The following ABCC3 variants were observed in gnomAD, a reference collection of about 807,000 sequenced individuals.
ABCC3 encodes the protein ATP-binding cassette sub-family C member 3.
A neutral mutation model predicts 165.3 loss-of-function variants in ABCC3; 121 were observed. The ratio of observed to expected loss-of-function variants is 0.73; its 90% CI spans 0.63 to 0.85. ABCC3 has a LOEUF of 0.85. Ranked by LOEUF, ABCC3 falls within the 40% of genes least tolerant of loss-of-function variation. The probability of loss-of-function intolerance (pLI) is 0.00; values close to 1 mark genes in which losing one functional copy is unlikely to be tolerated. For synonymous variants in ABCC3, 733 were observed against 810.1 expected (o/e 0.90, Z 1.62); for missense variants, 1,869 against 1,964.1 (o/e 0.95, Z 0.92).
intron 30 of ABCC3, chr17:50,688,556 C>T (rs1039608277): frequency 2.6e-5 from 4 of 152,216 alleles, no homozygotes; most frequent in African/African-American, 9.7e-5. Context: ...CCTTTCTGAG[C>T]CTGTTTCAAA....
chr17:50,637,476 C>G (rs1037356112), intron 1 of ABCC3, among the ~76,000 whole-genome samples: 1 of 152,310 alleles, frequency 6.6e-6, no homozygotes, highest in South Asian at 2.1e-4. Context: ...CCCCCTGAAC[C>G]TTTACCTTAG....
Position 50,675,407 on chromosome 17 carries a change from C to T in ABCC3, c.2645C>T (p.Thr882Ile). The change falls in exon 20 of 31, where the codon ACA (threonine) becomes ATA (isoleucine). Residue 882 changes from threonine (T) to isoleucine (I), a missense_variant. Coordinates refer to ENST00000285238, the MANE Select transcript of ABCC3 (RefSeq NM_003786.4). ...AAGGAGGCACTGCTGATTGAAGACACACTCAGCAACCACACGGATCTGACA... is the reference window on the plus strand; with the variant it reads ...AAGGAGGCACTGCTGATTGAAGACATACTCAGCAACCACACGGATCTGACA... ...EDKEALLIED[T>I]LSNHTDLTDN... 1.9e-6 allele frequency: 3 copies of T among 1,614,086 alleles called. No individual in the cohort carries two copies. Among genetic ancestry groups the T allele is most frequent in the Non-Finnish European group, 2.5e-6 (3 of 1,179,988 alleles).
chr17:50,642,793 C>A (rs564544175), intron 1 of ABCC3, among the ~76,000 whole-genome samples: 41 of 152,330 alleles, frequency 2.7e-4, no homozygotes, highest in Non-Finnish European at 4.7e-4. Flanking sequence ...GTGCACACAG[C>A]GATTCCCACC....
intron 7 of ABCC3, among the ~76,000 whole-genome samples, chr17:50,659,849 G>T (rs1156970272): frequency 6.6e-6 from 1 of 152,160 alleles, no homozygotes; most frequent in Non-Finnish European, 1.5e-5. Flanking sequence ...AGCCGGGCAT[G>T]GTGGTGTGCA....
chr17:50,670,319 G>C (rs1967621295), intron 17 of ABCC3, among the ~76,000 whole-genome samples: 1 of 152,156 alleles, frequency 6.6e-6, no homozygotes, highest in African/African-American at 2.4e-5. Flanking sequence ...CTGGCTTCAA[G>C]TGATCCCCCC....
intron 21 of ABCC3, 51 bp downstream of exon 21, chr17:50,675,826 G>A: frequency 1.9e-6 from 3 of 1,599,974 alleles, no homozygotes; most frequent in South Asian, 1.1e-5. Context: ...GCAGGCCCCA[G>A]CAGCCCCAGG....
intron 30 of ABCC3, 110 bp downstream of exon 30, chr17:50,687,840 C>A: frequency 8.5e-7 from 1 of 1,181,272 alleles, no homozygotes; most frequent in South Asian, 1.4e-5. Flanking sequence ...CCTGGGATTG[C>A]TAGGGCATGG....
At chr17:50,659,048 C>A in intron 6 of ABCC3, 189 bp from the exon 7 acceptor site, 1 of 585,416 alleles carries the variant, frequency 1.7e-6, no homozygotes, top group Non-Finnish European at 2.9e-6. Flanking sequence ...GTAGGAACTT[C>A]GGAGGGAGAG....
chr17:50,669,309 C>T, intron 16 of ABCC3, 43 bp downstream of exon 16: 2 of 1,614,146 alleles, frequency 1.2e-6, no homozygotes, highest in South Asian at 2.2e-5. Flanking sequence ...GGGGCTCAGC[C>T]AGGCCTTGGG....
chr17:50,663,370 T>C (rs566980217), intron 8 of ABCC3: 40 of 380,866 alleles, frequency 1.1e-4, no homozygotes, highest in African/African-American at 7.3e-4. Context: ...AATGGAAACG[T>C]GGCATTTCTT....
At chr17:50,691,069 C>T in intron 30 of ABCC3, 23 bp from the exon 31 acceptor site, 2 of 1,589,284 alleles carry the variant, frequency 1.3e-6, no homozygotes, top group Non-Finnish European at 8.6e-7. Flanking sequence ...GGAAACCTGA[C>T]CACTTCTCTC....
chr17:50,669,156 C>G lies in ABCC3; in HGVS notation c.1954C>G (p.Pro652Ala). The G allele has an allele frequency of 6.9e-6, 11 of 1,599,750 alleles. No individual in the cohort carries two copies. Among genetic ancestry groups the G allele is most frequent in the Non-Finnish European group, 9.4e-6 (11 of 1,175,618 alleles). The stretch of plus-strand genomic sequence containing the variant: ...TGCCCCCAGCCTAGACATCCAGGTC[C>G]CGAAAGGGGCACTGGTGGCCGTGGT... ...PTLHSLDIQV[P>A]KGALVAVVGP... is the part of the protein sequence containing the mutation. The change falls in exon 16 of 31, where the codon CCG becomes GCG. Residue 652 changes from proline to alanine, a missense_variant. Pro to Ala is a conservative substitution (Grantham distance 27). Coordinates refer to ENST00000285238, the MANE Select transcript of ABCC3 (RefSeq NM_003786.4).
chr17:50,668,401 C>G (rs371882098), intron 13 of ABCC3, 29 bp from the exon 14 acceptor site: 13 of 1,600,534 alleles, frequency 8.1e-6, no homozygotes, highest in Non-Finnish European at 1.1e-5. Context: ...AAAGTACAGT[C>G]TCTAGGGCTG....
At chr17:50,671,800 C>A (rs1194940983) in intron 17 of ABCC3, among the ~76,000 whole-genome samples, 4 of 142,542 alleles carry the variant, frequency 2.8e-5, no homozygotes, top group African/African-American at 1.0e-4. Flanking sequence ...TGGCTCACTG[C>A]AACCTCCGCC....
At chr17:50,673,219 G>A in intron 18 of ABCC3, 81 bp downstream of exon 18, 1 of 1,558,000 alleles carries the variant, frequency 6.4e-7, no homozygotes, top group Admixed American at 1.8e-5. Flanking sequence ...GAGGGGTTTG[G>A]ATGAGACTTG....
At chr17:50,672,896 C>A in intron 17 of ABCC3, 75 bp from the exon 18 acceptor site, 2 of 1,413,082 alleles carry the variant, frequency 1.4e-6, no homozygotes, top group Non-Finnish European at 9.6e-7. Context: ...TCTGCCATCC[C>A]AAATAACAGT....
chr17:50,637,977 C>T lies in ABCC3; in HGVS notation c.45+2996C>T, dbSNP rs1476023989. ...CCATGCCCCTTGGGACATGTGTACA[C>T]ACATCTGTGTACTCACACACCACCT... On this transcript the variant is annotated intron_variant, in intron 1 of 30. Coordinates refer to ENST00000285238, the MANE Select transcript of ABCC3 (RefSeq NM_003786.4). Among the ~76,000 whole-genome samples the T allele has an allele frequency of 2.0e-5, 3 of 152,322 alleles. No individual in the cohort carries two copies. The South Asian group carries it at 6.2e-4, about 32-fold the overall frequency.
chr17:50,673,111 C>T lies in ABCC3; in HGVS notation c.2382C>T (p.Ile794=), dbSNP rs149910028. The change falls in exon 18 of 31, where the codon ATC becomes ATT. Residue 794 remains isoleucine, a synonymous_variant. Transcript: ENST00000285238. The part of the protein sequence containing the change: ...HVAKHIFDHV[I]GPEGVLAGKT... ...CCAAGCACATCTTTGACCACGTCAT[C>T]GGGCCAGAAGGCGTGCTGGCAGGCA... is the stretch of plus-strand genomic sequence containing the variant. The T allele has an allele frequency of 6.8e-5, 109 of 1,613,912 alleles. 1 individual carries two copies. Among genetic ancestry groups the T allele is most frequent in the Middle Eastern group, 1.6e-4 (1 of 6,078 alleles).
intron 1 of ABCC3, among the ~76,000 whole-genome samples, chr17:50,641,803 T>C (rs1215080870): frequency 1.3e-5 from 2 of 152,022 alleles, no homozygotes; most frequent in Non-Finnish European, 2.9e-5. Flanking sequence ...CCCAGCACTT[T>C]GGGAGGCCGA....
Sources: gnomAD v4.1 joint callset for allele counts (sites outside exome capture counted in the v4.1 genomes callset) on GRCh38, gnomAD v4.1.1 for gene constraint, MANE v1.5 for transcripts, NCBI Gene and HGNC (gene_info 2026-07-23, HGNC 2026-07-21) for gene names.